The following ADI1 variants were observed in gnomAD, a reference collection of about 807,000 sequenced individuals.
ADI1 encodes the protein acireductone dioxygenase.
Under a neutral mutation model 18.7 loss-of-function variants are expected in ADI1, and 21 were observed. The observed-to-expected ratio is 1.13, with a 90% CI of 0.80 to 1.62. ADI1 has a LOEUF of 1.62. Among genes scored for constraint, ADI1 ranks in the 40% most tolerant of loss-of-function variants. ADI1 has a pLI of 0.00. For missense variants in ADI1, 245 were observed against 254.9 expected, an observed-to-expected ratio of 0.96 and a Z score of 0.26; for synonymous variants, 90 against 100.1, an observed-to-expected ratio of 0.90 and a Z score of 0.60.
intron 2 of ADI1, among the ~76,000 whole-genome samples, chr2:3,510,326 G>C (rs1307153477): frequency 6.6e-6 from 1 of 151,738 alleles, no homozygotes; most frequent in Admixed American, 6.6e-5. Flanking sequence ...AATAATGTCT[G>C]TTTCTAGAAT....
chr2:3,507,944 A>G (rs1311292236), intron 2 of ADI1, among the ~76,000 whole-genome samples: 1 of 152,138 alleles, frequency 6.6e-6, no homozygotes, highest in Non-Finnish European at 1.5e-5. Context: ...GGCAACCACT[A>G]AATTTTTTTT....
Position 3,498,795 on chromosome 2 carries a change from T to C in ADI1, c.*168A>G. 1 of 1,196,116 alleles carries C rather than the reference T, an allele frequency of 8.4e-7. No homozygotes were observed. The highest frequency in any genetic ancestry group is 1.1e-6 in the Non-Finnish European group (1 of 877,500). The allele number at this position is 1,196,116 out of a possible 1,614,324, so 74.1% of individuals were successfully genotyped here. A position where few individuals can be genotyped will look rare whatever the true frequency, so the allele number is the denominator to read the frequency against. ...GTGACTCTTTACACTTCCAAGTTGC[T>C]TTCTAGATCCTTTCATTACAAAATA... On this transcript the variant is annotated 3_prime_UTR_variant, in exon 4 of 4. Coordinates refer to ENST00000327435, the MANE Select transcript of ADI1 (RefSeq NM_018269.4).
At chr2:3,503,278 T>C (rs1426165453) in intron 2 of ADI1, among the ~76,000 whole-genome samples, 1 of 146,080 alleles carries the variant, frequency 6.8e-6, no homozygotes, top group Non-Finnish European at 1.5e-5. Flanking sequence ...CTCACTCATG[T>C]GCATTCACAC....
intron 2 of ADI1, among the ~76,000 whole-genome samples, chr2:3,502,026 C>T (rs1431587204): frequency 3.9e-5 from 4 of 102,754 alleles, no homozygotes; most frequent in African/African-American, 1.7e-4. Context: ...CACACACACA[C>T]ACACACACAC....
chr2:3,499,997 G>A (rs1303532086), intron 3 of ADI1, among the ~76,000 whole-genome samples: 3 of 151,772 alleles, frequency 2.0e-5, no homozygotes, highest in Admixed American at 6.6e-5. Flanking sequence ...CTTGGGAGGT[G>A]GAGGTTGCAT....
Position 3,519,370 on chromosome 2 carries a change from T to G in ADI1, c.118A>C (p.Lys40Gln). The G allele has an allele frequency of 7.0e-7, 1 of 1,433,412 alleles. No homozygotes were observed. Among genetic ancestry groups the G allele is most frequent in the Non-Finnish European group, 9.1e-7 (1 of 1,100,878 alleles). The allele number at this position is 1,433,412 out of a possible 1,614,324, so 88.8% of individuals were successfully genotyped here. The stretch of plus-strand genomic sequence containing the variant: ...CTGCGAGGCTTGGGCTCGCGTACCT[T>G]CCAGTAGAGCACCCCGAGCCGCCGC... ...QLRRLGVLYWKLDADKYENDP... is the reference protein window; with the variant it reads ...QLRRLGVLYWQLDADKYENDP... The change falls in exon 1 of 4, where the codon AAG (lysine) becomes CAG (glutamine). Residue 40 changes from lysine (K) to glutamine (Q), a missense_variant and splice_region_variant. Lys to Gln is a moderately conservative substitution (Grantham distance 53). Transcript: ENST00000327435.
At chr2:3,514,092 T>C in intron 1 of ADI1, 116 bp from the exon 2 acceptor site, 15 of 1,305,546 alleles carry the variant, frequency 1.1e-5, no homozygotes, top group Non-Finnish European at 1.5e-5. Flanking sequence ...TTGTTATTTT[T>C]TCAACCCTCA....
chr2:3,500,835 G>C lies in ADI1; in HGVS notation c.399C>G (p.His133Gln), dbSNP rs200606798. 3.3e-5 allele frequency: 54 copies of C among 1,614,238 alleles called. No individual in the cohort carries two copies. Among genetic ancestry groups the C allele is most frequent in the Non-Finnish European group, 4.6e-5 (54 of 1,180,020 alleles). The change falls in exon 3 of 4, where the codon CAC (histidine) becomes CAG (glutamine). Residue 133 changes from histidine to glutamine, a missense_variant. By Grantham distance (24) the His-to-Gln change is conservative. Transcript: ENST00000327435. Reference protein sequence around the residue: ...DMVTLPAGIYHRFTVDEKNYT... With the variant: ...DMVTLPAGIYQRFTVDEKNYT... The stretch of plus-strand genomic sequence containing the variant: ...CCACCTTCTCGTCCACCGTGAAGCG[G>C]TGATAGATCCCCGCGGGGAGCGTCA...
chr2:3,512,900 G>C (rs1352155358), intron 2 of ADI1, among the ~76,000 whole-genome samples: 1 of 152,236 alleles, frequency 6.6e-6, no homozygotes, highest in African/African-American at 2.4e-5. Flanking sequence ...CATCCCATGA[G>C]AGCAACCTCA....
chr2:3,503,300 TAC>T (rs1295663798), intron 2 of ADI1, among the ~76,000 whole-genome samples: 2 of 128,332 alleles, frequency 1.6e-5, no homozygotes. Flanking sequence ...CATGCACACA[TAC>T]ACACTGACAC....
At chr2:3,512,194 T>A (rs1667306708) in intron 2 of ADI1, among the ~76,000 whole-genome samples, 1 of 152,256 alleles carries the variant, frequency 6.6e-6, no homozygotes, top group Non-Finnish European at 1.5e-5. Flanking sequence ...GAGCAACGAC[T>A]TCCTAGAGAA....
chr2:3,509,159 A>G (rs928181674), intron 2 of ADI1, among the ~76,000 whole-genome samples: 3 of 152,210 alleles, frequency 2.0e-5, no homozygotes, highest in Non-Finnish European at 4.4e-5. Context: ...TATTTATCTA[A>G]CAGCTGAGCA....
chr2:3,516,924 G>T lies in ADI1; in HGVS notation c.120+2444C>A, dbSNP rs1008662379. 1.9e-5 allele frequency: 19 copies of T among 984,940 alleles called. No homozygotes were observed. The Middle Eastern group carries it at 1.6e-3, about 82-fold the overall frequency. The allele number at this position is 984,940 out of a possible 1,614,324, so 61.0% of individuals were successfully genotyped here. ...GTGTGTGTGGCTTTTTTGTTTTTTGGGTTTTTTTAGAGATGAGGTCTCAAA... is the reference window on the plus strand; with the variant it reads ...GTGTGTGTGGCTTTTTTGTTTTTTGTGTTTTTTTAGAGATGAGGTCTCAAA... On this transcript the variant is annotated intron_variant, in intron 1 of 3. Coordinates refer to ENST00000327435, the MANE Select transcript of ADI1 (RefSeq NM_018269.4).
At chr2:3,514,482 T>A (rs1347173422) in intron 1 of ADI1, among the ~76,000 whole-genome samples, 1 of 152,218 alleles carries the variant, frequency 6.6e-6, no homozygotes, top group East Asian at 1.9e-4. Flanking sequence ...CTTTTCTACT[T>A]CTATCTGTTC....
At chr2:3,505,093 C>T (rs1284356142) in intron 2 of ADI1, among the ~76,000 whole-genome samples, 1 of 152,210 alleles carries the variant, frequency 6.6e-6, no homozygotes, top group African/African-American at 2.4e-5. Flanking sequence ...ATTGTTGGTT[C>T]ACCTGTGTAT....
chr2:3,507,604 G>A (rs981779479), intron 2 of ADI1, among the ~76,000 whole-genome samples: 9 of 151,956 alleles, frequency 5.9e-5, no homozygotes, highest in Non-Finnish European at 1.2e-4. Context: ...AAACAAAAAT[G>A]AAAAGAATTT....
At chr2:3,500,498 G>GT in intron 3 of ADI1, 1 of 491,144 alleles carries the variant, frequency 2.0e-6, no homozygotes, top group Non-Finnish European at 3.7e-6. Flanking sequence ...CAAGGGCTGG[G>GT]GCAGGGCCAG....
Position 3,509,728 on chromosome 2 carries a change from A to G in ADI1, c.240+4129T>C, listed in dbSNP as rs1003494258. ...AAAATTTACAGCACTAAACCCCCGTACTAAGGAAAGAAAAACAACACTCTG... is the reference window on the plus strand; with the variant it reads ...AAAATTTACAGCACTAAACCCCCGTGCTAAGGAAAGAAAAACAACACTCTG... On this transcript the variant is annotated intron_variant, in intron 2 of 3. Coordinates refer to ENST00000327435, the MANE Select transcript of ADI1 (RefSeq NM_018269.4). Among the ~76,000 whole-genome samples, 8 of 152,102 alleles carry G rather than the reference A, an allele frequency of 5.3e-5. No individual in the cohort carries two copies. In the East Asian group the frequency reaches 1.3e-3, roughly 26 times the overall value.
chr2:3,504,260 C>A (rs1667122997), intron 2 of ADI1, among the ~76,000 whole-genome samples: 2 of 152,152 alleles, frequency 1.3e-5, no homozygotes, highest in African/African-American at 4.8e-5. Context: ...AAACCAGTGG[C>A]AATCACAAGA....
Sources: allele counts gnomAD v4.1 joint callset (sites outside exome capture counted in the v4.1 genomes callset), GRCh38; gene constraint gnomAD v4.1.1; transcripts MANE v1.5; gene names NCBI Gene and HGNC (gene_info 2026-07-23, HGNC 2026-07-21).